PLXDC2: variants seen among roughly 807,000 people sequenced by gnomAD.
The protein encoded by PLXDC2 is plexin domain-containing protein 2.
A neutral mutation model predicts 68.9 loss-of-function variants in PLXDC2; 40 were observed. The observed-to-expected ratio is 0.58, with a 90% CI of 0.45 to 0.76. The LOEUF is 0.76. PLXDC2 is among the 30% of genes least tolerant of loss of function. The probability of loss-of-function intolerance (pLI) is 0.00; values close to 1 mark genes in which losing one functional copy is unlikely to be tolerated. For synonymous variants in PLXDC2, 243 were observed against 234.2 expected (o/e 1.04, Z -0.34); for missense variants, 644 against 661.9 (o/e 0.97, Z 0.30).
intron 3 of PLXDC2, among the ~76,000 whole-genome samples, chr10:20,061,842 A>T (rs1417713592): frequency 6.6e-6 from 1 of 152,226 alleles, no homozygotes; most frequent in Non-Finnish European, 1.5e-5. Context: ...TAGAAAAACA[A>T]TTTACCAGAA....
intron 1 of PLXDC2, among the ~76,000 whole-genome samples, chr10:19,867,607 G>A (rs1837445902): frequency 6.6e-6 from 1 of 152,162 alleles, no homozygotes; most frequent in South Asian, 2.1e-4. Context: ...AATTTCTCTT[G>A]AAGGGACTCA....
intron 7 of PLXDC2, among the ~76,000 whole-genome samples, chr10:20,176,408 G>T (rs1054799124): frequency 2.3e-4 from 35 of 152,004 alleles, no homozygotes; most frequent in African/African-American, 7.7e-4. Context: ...GTGTGTGTGT[G>T]TGTGTGTCTG....
At chr10:20,159,658 G>A (rs1834265098) in intron 6 of PLXDC2, among the ~76,000 whole-genome samples, 1 of 152,066 alleles carries the variant, frequency 6.6e-6, no homozygotes, top group South Asian at 2.1e-4. Flanking sequence ...CACTGTCATG[G>A]CTTGCAAGGA....
chr10:19,953,372 A>T lies in PLXDC2; in HGVS notation c.113-48403A>T, dbSNP rs1032618879. Among the ~76,000 whole-genome samples, 8 of 152,274 alleles carry T rather than the reference A, an allele frequency of 5.3e-5. No individual in the cohort carries two copies. The East Asian group carries it at 1.5e-3, about 29-fold the overall frequency. On this transcript the variant is annotated intron_variant, in intron 1 of 13. Coordinates refer to ENST00000377252, the MANE Select transcript of PLXDC2 (RefSeq NM_032812.9). Reference sequence around the variant, plus strand: ...AAGTATTTGGGGTAGAGCCATTAGAACTTGCAGAAACACTGGATGTATATA... The same window carrying T: ...AAGTATTTGGGGTAGAGCCATTAGATCTTGCAGAAACACTGGATGTATATA...
chr10:19,890,095 G>A (rs1837924525), intron 1 of PLXDC2, among the ~76,000 whole-genome samples: 1 of 152,104 alleles, frequency 6.6e-6, no homozygotes. Flanking sequence ...TGACAAATTT[G>A]ATAGCCTGCT....
chr10:19,994,089 G>A lies in PLXDC2; in HGVS notation c.113-7686G>A, dbSNP rs1003665886. On this transcript the variant is annotated intron_variant, in intron 1 of 13. Coordinates refer to ENST00000377252, the MANE Select transcript of PLXDC2 (RefSeq NM_032812.9). ...TAGCCATGCCCACATTCTCCAAAAA[G>A]ACATGTGTTATACTTCTTACTGATT... Among the ~76,000 whole-genome samples the A allele has an allele frequency of 5.3e-5, 8 of 152,054 alleles. No homozygotes were observed. In the East Asian group the frequency reaches 1.5e-3, roughly 29 times the overall value.
intron 13 of PLXDC2, among the ~76,000 whole-genome samples, chr10:20,269,684 A>G (rs758171307): frequency 4.6e-5 from 7 of 152,172 alleles, no homozygotes; most frequent in Admixed American, 1.3e-4. Flanking sequence ...GAAGCTAACT[A>G]TCATTCTACA....
intron 1 of PLXDC2, among the ~76,000 whole-genome samples, chr10:19,955,431 T>C (rs1326948598): frequency 6.6e-6 from 1 of 152,042 alleles, no homozygotes; most frequent in Non-Finnish European, 1.5e-5. Context: ...ATTCCCCTTT[T>C]CATCACCTTT....
At chr10:20,073,279 C>T (rs766431861) in intron 4 of PLXDC2, among the ~76,000 whole-genome samples, 8 of 152,148 alleles carry the variant, frequency 5.3e-5, no homozygotes, top group Non-Finnish European at 7.4e-5. Context: ...TGCCATTTCC[C>T]TTATTTCCTT....
At chr10:20,073,107 T>C (rs1836365526) in intron 4 of PLXDC2, among the ~76,000 whole-genome samples, 1 of 152,230 alleles carries the variant, frequency 6.6e-6, no homozygotes, top group South Asian at 2.1e-4. Context: ...CTTCTTTTGT[T>C]GACTGTCAGT....
intron 10 of PLXDC2, among the ~76,000 whole-genome samples, chr10:20,216,647 G>A (rs562183906): frequency 1.3e-5 from 2 of 152,242 alleles, no homozygotes; most frequent in South Asian, 4.1e-4. Flanking sequence ...TTCTACTCAA[G>A]GCCCACCTGA....
At chr10:19,822,647 C>G (rs1836491390) in intron 1 of PLXDC2, among the ~76,000 whole-genome samples, 1 of 152,076 alleles carries the variant, frequency 6.6e-6, no homozygotes, top group Non-Finnish European at 1.5e-5. Context: ...TATCTATTGT[C>G]TTTTTGACAA....
intron 9 of PLXDC2, among the ~76,000 whole-genome samples, chr10:20,191,416 A>G (rs546100651): frequency 6.6e-6 from 1 of 151,602 alleles, no homozygotes; most frequent in South Asian, 2.1e-4. Flanking sequence ...ATTTCTAATG[A>G]TAGGTTTTCT....
intron 6 of PLXDC2, among the ~76,000 whole-genome samples, chr10:20,157,157 CG>C (rs1471522069): frequency 4.6e-5 from 7 of 152,216 alleles, no homozygotes; most frequent in Non-Finnish European, 8.8e-5. Flanking sequence ...TTAAGTAAAA[CG>C]AAGGAGAAAG....
intron 13 of PLXDC2, among the ~76,000 whole-genome samples, chr10:20,246,353 T>G (rs929194749): frequency 5.3e-5 from 8 of 152,286 alleles, no homozygotes; most frequent in African/African-American, 1.2e-4. Context: ...TGCAGGTTTT[T>G]TTTGTTTGTT....
In PLXDC2 at chr10:19,999,613, A is replaced by G. The variant is rs1834899322; in HGVS notation, c.113-2162A>G. On this transcript the variant is annotated intron_variant, in intron 1 of 13. Transcript: ENST00000377252. ...CATGACTCTTTGTGTTTGCATAGCT[A>G]TGTCAGGGGTGTAACTTGCTAAGAG... is the stretch of plus-strand genomic sequence containing the variant. Among the ~76,000 whole-genome samples, 4 of 152,086 alleles carry G rather than the reference A, an allele frequency of 2.6e-5. No individual in the cohort carries two copies. In the South Asian group the frequency reaches 8.3e-4, roughly 31 times the overall value.
At chr10:20,271,132 G>GACACACACACACACACACACAC (rs55677642) in intron 13 of PLXDC2, among the ~76,000 whole-genome samples, 1 of 97,750 alleles carries the variant, frequency 1.0e-5, no homozygotes, top group Non-Finnish European at 2.5e-5. Context: ...ACAAAAAACA[G>GACACACACACACACACACACAC]ACACACACAC....
At chr10:19,987,847 C>T (rs1280242868) in intron 1 of PLXDC2, among the ~76,000 whole-genome samples, 1 of 152,064 alleles carries the variant, frequency 6.6e-6, no homozygotes, top group East Asian at 1.9e-4. Context: ...GGATTACAGG[C>T]GTGAGCTACC....
intron 1 of PLXDC2, among the ~76,000 whole-genome samples, chr10:19,943,614 C>A (rs772962262): frequency 5.3e-5 from 8 of 152,216 alleles, no homozygotes; most frequent in Non-Finnish European, 1.0e-4. Flanking sequence ...CCACACGAAG[C>A]TCCCTGGGCC....
Sources: gnomAD v4.1 joint callset for allele counts (sites outside exome capture counted in the v4.1 genomes callset) on GRCh38, gnomAD v4.1.1 for gene constraint, MANE v1.5 for transcripts, NCBI Gene and HGNC (gene_info 2026-07-23, HGNC 2026-07-21) for gene names.